Variants in DLG2 observed in about 807,000 individuals in gnomAD.
DLG2 encodes the protein disks large homolog 2.
A neutral mutation model predicts 132.5 loss-of-function variants in DLG2; 45 were observed. The ratio of observed to expected loss-of-function variants is 0.34; its 90% CI spans 0.27 to 0.44. The LOEUF is 0.44. Ranked by LOEUF, DLG2 falls within the 20% of genes least tolerant of loss-of-function variation. The pLI, the probability that DLG2 is intolerant of heterozygous loss-of-function variation, is 1.00. For synonymous variants in DLG2, 424 were observed against 419.6 expected (o/e 1.01, Z -0.13); for missense variants, 1,045 against 1,196.9 (o/e 0.87, Z 1.87).
chr11:84,546,914 C>A (rs538083333), intron 6 of DLG2: 2 of 167,124 alleles, frequency 1.2e-5, no homozygotes, highest in East Asian at 3.2e-4. Flanking sequence ...AGTAAGGTGA[C>A]AAATGTATCT....
At chr11:85,314,823 A>T (rs1329049595) in intron 3 of DLG2, among the ~76,000 whole-genome samples, 1 of 151,924 alleles carries the variant, frequency 6.6e-6, no homozygotes, top group African/African-American at 2.4e-5. Context: ...CAGAGGGGAG[A>T]AAGGAGAGAT....
intron 16 of DLG2, among the ~76,000 whole-genome samples, chr11:83,866,728 TA>T (rs2062457038): frequency 1.3e-5 from 2 of 152,130 alleles, no homozygotes; most frequent in Non-Finnish European, 2.9e-5. Context: ...GAAACTCAAC[TA>T]TGTCCAGAAA....
At chr11:83,813,510 C>T (rs1304887798) in intron 17 of DLG2, among the ~76,000 whole-genome samples, 5 of 152,112 alleles carry the variant, frequency 3.3e-5, no homozygotes, top group African/African-American at 9.7e-5. Flanking sequence ...GGCCTTTTCA[C>T]TCCACCCACA....
Position 85,599,741 on chromosome 11 carries a change from A to G in DLG2, c.-92-953T>C, listed in dbSNP as rs1485226987. Among the ~76,000 whole-genome samples, 3 of 152,152 alleles carry G rather than the reference A, an allele frequency of 2.0e-5. No individual in the cohort carries two copies. In the East Asian group the frequency reaches 5.8e-4, roughly 29 times the overall value. ...CCATCTCTGATGGTTAAAATTAATC[A>G]TCATTCCGTCTTCTTCTAAACCACT... On this transcript the variant is annotated intron_variant, in intron 2 of 27. Transcript: ENST00000376104.
intron 7 of DLG2, among the ~76,000 whole-genome samples, chr11:84,293,330 A>G (rs2098034731): frequency 6.6e-6 from 1 of 152,000 alleles, no homozygotes; most frequent in Admixed American, 6.6e-5. Context: ...TTTAGATTCC[A>G]TGAAATATAA....
chr11:84,171,740 G>T (rs1225849262), intron 8 of DLG2, among the ~76,000 whole-genome samples: 1 of 152,154 alleles, frequency 6.6e-6, no homozygotes, highest in African/African-American at 2.4e-5. Context: ...TAGATGTCCA[G>T]TATTGGGATT....
At chr11:85,299,155 T>C (rs1267645416) in intron 3 of DLG2, among the ~76,000 whole-genome samples, 3 of 152,162 alleles carry the variant, frequency 2.0e-5, no homozygotes, top group Non-Finnish European at 4.4e-5. Flanking sequence ...TCTCATTTAC[T>C]ATTCCCAATA....
intron 6 of DLG2, among the ~76,000 whole-genome samples, chr11:84,967,954 A>G (rs1161805627): frequency 6.6e-6 from 1 of 152,170 alleles, no homozygotes; most frequent in Non-Finnish European, 1.5e-5. Context: ...CAGTGGAATA[A>G]CCTAGAAAAG....
chr11:84,196,686 T>A (rs2096523197), intron 8 of DLG2, among the ~76,000 whole-genome samples: 1 of 152,192 alleles, frequency 6.6e-6, no homozygotes, highest in South Asian at 2.1e-4. Context: ...AAGTAGTTAT[T>A]TCTATAATTT....
At chr11:84,674,333 C>A (rs1402797154) in intron 6 of DLG2, among the ~76,000 whole-genome samples, 1 of 152,048 alleles carries the variant, frequency 6.6e-6, no homozygotes, top group Non-Finnish European at 1.5e-5. Flanking sequence ...AGACTTTTTA[C>A]TTCCTTGAGT....
chr11:85,180,077 T>C (rs1387326333), intron 4 of DLG2, among the ~76,000 whole-genome samples: 1 of 151,888 alleles, frequency 6.6e-6, no homozygotes, highest in Non-Finnish European at 1.5e-5. Flanking sequence ...AAGTTATGTA[T>C]TATTAAATAT....
chr11:84,885,922 A>C (rs1330671945), intron 6 of DLG2, among the ~76,000 whole-genome samples: 1 of 152,116 alleles, frequency 6.6e-6, no homozygotes, highest in African/African-American at 2.4e-5. Context: ...TTCTACTTGG[A>C]AATTCAATTA....
intron 21 of DLG2, among the ~76,000 whole-genome samples, chr11:83,501,906 A>G (rs558243936): frequency 6.6e-6 from 1 of 152,220 alleles, no homozygotes; most frequent in African/African-American, 2.4e-5. Flanking sequence ...AGGGTTCTCT[A>G]ATTGCTCTAT....
intron 9 of DLG2, among the ~76,000 whole-genome samples, chr11:84,142,227 A>T (rs1481847551): frequency 1.3e-5 from 2 of 151,384 alleles, no homozygotes; most frequent in African/African-American, 4.9e-5. Context: ...GTTTGAACAC[A>T]GGAGAATCAT....
chr11:85,080,930 T>A (rs562293891), intron 6 of DLG2, among the ~76,000 whole-genome samples: 3 of 152,152 alleles, frequency 2.0e-5, no homozygotes, highest in Admixed American at 1.3e-4. Context: ...GAGGATGTTT[T>A]TCAAAGATGT....
chr11:85,375,022 A>G (rs1277190172), intron 3 of DLG2, among the ~76,000 whole-genome samples: 1 of 152,068 alleles, frequency 6.6e-6, no homozygotes. Flanking sequence ...AAATATAAAC[A>G]ACTATGTCTT....
intron 18 of DLG2, among the ~76,000 whole-genome samples, chr11:83,657,093 C>T (rs2072721166): frequency 6.6e-6 from 1 of 152,156 alleles, no homozygotes; most frequent in Admixed American, 6.5e-5. Flanking sequence ...TCAGTGTTTC[C>T]ATATCTCTTT....
chr11:84,323,340 G>T (rs982181273), intron 7 of DLG2, among the ~76,000 whole-genome samples: 9 of 151,972 alleles, frequency 5.9e-5, no homozygotes, highest in African/African-American at 2.2e-4. Flanking sequence ...TTGTCTTTAG[G>T]ATTCACCCTT....
chr11:84,017,265 ATAAAG>A (rs537110123), intron 11 of DLG2, among the ~76,000 whole-genome samples: 89 of 152,210 alleles, frequency 5.8e-4, no homozygotes, highest in African/African-American at 2.0e-3. Flanking sequence ...GCATTACATA[ATAAAG>A]TATAGTCTTC....
Sources: gnomAD v4.1 joint callset for allele counts (sites outside exome capture counted in the v4.1 genomes callset) on GRCh38, gnomAD v4.1.1 for gene constraint, MANE v1.5 for transcripts, NCBI Gene and HGNC (gene_info 2026-07-23, HGNC 2026-07-21) for gene names.